Variants in GRPR observed in about 807,000 individuals in gnomAD.
The protein encoded by GRPR is gastrin-releasing peptide receptor.
GRPR carries 4 observed loss-of-function variants against 15.6 expected under a neutral mutation model. That is an observed-to-expected ratio of 0.26 (90% CI 0.13 to 0.59). The LOEUF is 0.59. Among genes scored for constraint, GRPR ranks in the 20% least tolerant of loss-of-function variants. The pLI is 0.90. For missense variants in GRPR, 270 were observed against 304.1 expected, an observed-to-expected ratio of 0.89 and a Z score of 0.83; for synonymous variants, 128 against 126.8, an observed-to-expected ratio of 1.01 and a Z score of -0.06.
chrX:16,128,604 T>G (rs968134280), intron 1 of GRPR, among the ~76,000 whole-genome samples: 5 of 111,842 alleles, frequency 4.5e-5, no homozygotes, highest in African/African-American at 1.6e-4. Context: ...TCTGGGTAAA[T>G]GAAAGAAAAA....
intron 1 of GRPR, 68 bp from the exon 2 acceptor site, chrX:16,150,237 C>A: frequency 1.3e-6 from 1 of 796,933 alleles, no homozygotes; most frequent in Non-Finnish European, 1.9e-6. Context: ...CTTGCCTCAA[C>A]TTAGTCCTGG....
chrX:16,149,206 GA>G (rs1922651773), intron 1 of GRPR, among the ~76,000 whole-genome samples: 1 of 111,878 alleles, frequency 8.9e-6, no homozygotes, highest in Admixed American at 9.5e-5. Context: ...GATTTCCCAG[GA>G]TGTAGGATTT....
At chrX:16,147,677 T>C (rs1335299000) in intron 1 of GRPR, among the ~76,000 whole-genome samples, 1 of 112,109 alleles carries the variant, frequency 8.9e-6, no homozygotes, top group African/African-American at 3.2e-5. Context: ...TTTTATATTT[T>C]AAAAGTTGTG....
chrX:16,150,514 A>G lies in GRPR; in HGVS notation c.623A>G (p.Lys208Arg). 1 of 1,203,174 alleles carries G rather than the reference A, an allele frequency of 8.3e-7. No homozygotes were observed. Among genetic ancestry groups the G allele is most frequent in the Non-Finnish European group, 1.1e-6 (1 of 887,899 alleles). ...CCACACTCTAATGAGCTTCACCCCA[A>G]AATCCATTCTATGGCTTCCTTTCTG... is the stretch of plus-strand genomic sequence containing the variant. ...PYPHSNELHP[K>R]IHSMASFLVF... The change falls in exon 2 of 3, where the codon AAA becomes AGA. Residue 208 changes from lysine to arginine, a missense_variant. Lys to Arg is a conservative substitution (Grantham distance 26). Coordinates refer to ENST00000380289, the MANE Select transcript of GRPR (RefSeq NM_005314.3).
chrX:16,146,535 C>G (rs1354762251), intron 1 of GRPR, among the ~76,000 whole-genome samples: 1 of 111,692 alleles, frequency 9.0e-6, no homozygotes, highest in Non-Finnish European at 1.9e-5. Context: ...CTATTACTAA[C>G]TATATTCTCT....
Position 16,123,794 on chromosome X carries a change from G to A in GRPR, c.-160G>A. The A allele has an allele frequency of 1.2e-5, 6 of 503,878 alleles. No individual in the cohort carries two copies. The Admixed American group carries it at 1.7e-4, about 14-fold the overall frequency. 41.5% of individuals were successfully genotyped at this position (503,878 alleles called of 1,213,427 possible). The stretch of plus-strand genomic sequence containing the variant: ...ACCAGTGTCAAAATAGTGACAGAGA[G>A]TTTTGAATACCATAGTTAGTATATA... On this transcript the variant is annotated 5_prime_UTR_variant, in exon 1 of 3. Transcript: ENST00000380289.
chrX:16,148,407 G>A (rs1474128599), intron 1 of GRPR, among the ~76,000 whole-genome samples: 1 of 111,328 alleles, frequency 9.0e-6, no homozygotes, highest in Admixed American at 9.5e-5. Flanking sequence ...TCCCAAACTT[G>A]CCACTGAATA....
At chrX:16,131,442 C>G (rs1922375529) in intron 1 of GRPR, among the ~76,000 whole-genome samples, 2 of 111,854 alleles carry the variant, frequency 1.8e-5, no homozygotes, top group Admixed American at 1.9e-4. Flanking sequence ...CAATACTACC[C>G]CATAATCCAA....
rs867462308 is a variant in GRPR at position 16,152,310 on chromosome X, G to A, written c.820G>A (p.Ala274Thr). ...KTVLVFVGLF[A>T]FCWLPNHVIY... ...AGTGCTGGTGTTTGTGGGCCTGTTC[G>A]CCTTCTGCTGGCTCCCCAATCATGT... The change falls in exon 3 of 3, where the codon GCC (alanine) becomes ACC (threonine). Residue 274 changes from alanine (A) to threonine (T), a missense_variant. Transcript: ENST00000380289. The A allele has an allele frequency of 1.6e-5, 19 of 1,203,680 alleles. No homozygotes were observed. Among genetic ancestry groups the A allele is most frequent in the African/African-American group, 7.1e-5 (4 of 56,680 alleles).
intron 2 of GRPR, among the ~76,000 whole-genome samples, chrX:16,150,969 GA>G (rs1289513637): frequency 3.6e-5 from 4 of 112,257 alleles, no homozygotes; most frequent in Non-Finnish European, 5.6e-5. Flanking sequence ...AGCTCATGGG[GA>G]TGTGACTTCT....
chrX:16,136,608 T>C (rs1033683526), intron 1 of GRPR, among the ~76,000 whole-genome samples: 10 of 111,874 alleles, frequency 8.9e-5, no homozygotes, highest in South Asian at 3.7e-4. Flanking sequence ...AGATGGAAAA[T>C]GAGCTTACCT....
intron 1 of GRPR, among the ~76,000 whole-genome samples, chrX:16,127,249 C>T (rs1243471228): frequency 8.9e-6 from 1 of 111,738 alleles, no homozygotes; most frequent in East Asian, 2.8e-4. Flanking sequence ...AGCTTCCCTT[C>T]TGCAGTTCCC....
At chrX:16,126,517 A>G (rs1922294463) in intron 1 of GRPR, among the ~76,000 whole-genome samples, 1 of 111,787 alleles carries the variant, frequency 8.9e-6, no homozygotes, top group Non-Finnish European at 1.9e-5. Flanking sequence ...ATTTTTACAT[A>G]TGTCTATAGA....
chrX:16,124,689 A>G (rs1200709530), intron 1 of GRPR, among the ~76,000 whole-genome samples: 5 of 112,175 alleles, frequency 4.5e-5, no homozygotes, highest in Non-Finnish European at 9.4e-5. Flanking sequence ...TTAATTGACC[A>G]GTGAGAAAGA....
At chrX:16,128,537 T>C (rs766378636) in intron 1 of GRPR, among the ~76,000 whole-genome samples, 6 of 111,404 alleles carry the variant, frequency 5.4e-5, no homozygotes, top group Non-Finnish European at 9.4e-5. Context: ...ATAATAATAA[T>C]AACAATAACG....
chrX:16,130,875 C>A (rs934719972), intron 1 of GRPR, among the ~76,000 whole-genome samples: 1 of 112,286 alleles, frequency 8.9e-6, no homozygotes, highest in Non-Finnish European at 1.9e-5. Flanking sequence ...CATGTCTCTC[C>A]ACGGCAGTGG....
chrX:16,125,877 G>A (rs991475973), intron 1 of GRPR, among the ~76,000 whole-genome samples: 2 of 111,631 alleles, frequency 1.8e-5, no homozygotes, highest in African/African-American at 6.5e-5. Context: ...TCTGGAGCTG[G>A]CAGAAGGGCT....
chrX:16,124,423 G>A, intron 1 of GRPR, 57 bp downstream of exon 1: 2 of 1,039,064 alleles, frequency 1.9e-6, no homozygotes, highest in Non-Finnish European at 1.3e-6. Context: ...CTGGGTAAAT[G>A]AACTACCATG....
In GRPR at chrX:16,150,491, A is replaced by G. The variant is rs1378437787; in HGVS notation, c.600A>G (p.Pro200=). 1 of 1,207,859 alleles carries G rather than the reference A, an allele frequency of 8.3e-7. No individual in the cohort carries two copies. Among genetic ancestry groups the G allele is most frequent in the South Asian group, 1.8e-5 (1 of 56,877 alleles). Residue 200 remains proline, a synonymous_variant, in exon 2 of 3, where the codon CCA becomes CCG. Coordinates refer to ENST00000380289, the MANE Select transcript of GRPR (RefSeq NM_005314.3). ...NQTFISCAPY[P]HSNELHPKIH... is the part of the protein sequence containing the mutation. ...CCTTCATTAGCTGTGCCCCATACCC[A>G]CACTCTAATGAGCTTCACCCCAAAA... is the stretch of plus-strand genomic sequence containing the variant.
Sources: allele counts gnomAD v4.1 joint callset (sites outside exome capture counted in the v4.1 genomes callset), GRCh38; gene constraint gnomAD v4.1.1; transcripts MANE v1.5; gene names NCBI Gene and HGNC (gene_info 2026-07-23, HGNC 2026-07-21).